Variants in PTPRG observed in about 807,000 individuals in gnomAD.
The protein encoded by PTPRG is protein tyrosine phosphatase receptor type G, also known as receptor-type tyrosine-protein phosphatase gamma.
Under a neutral mutation model 165.3 loss-of-function variants are expected in PTPRG, and 102 were observed. That is an observed-to-expected ratio of 0.62 (90% CI 0.53 to 0.73). The LOEUF (loss-of-function observed/expected upper bound fraction) is 0.73, where lower values mean the gene tolerates loss of function less well. Among genes scored for constraint, PTPRG ranks in the 30% least tolerant of loss-of-function variants. The probability of loss-of-function intolerance (pLI) is 0.00; values close to 1 mark genes in which losing one functional copy is unlikely to be tolerated. For missense variants in PTPRG, 1,866 were observed against 1,861.4 expected, an observed-to-expected ratio of 1.00 and a Z score of -0.05; for synonymous variants, 675 against 669.5, an observed-to-expected ratio of 1.01 and a Z score of -0.13.
Position 61,817,146 on chromosome 3 carries a change from CAT to C in PTPRG, c.190+68172_190+68173del, listed in dbSNP as rs1181846860. Among the ~76,000 whole-genome samples, 279 of 119,024 alleles carry C rather than the reference CAT, an allele frequency of 2.3e-3. 1 individual carries two copies. Among genetic ancestry groups the C allele is most frequent in the African/African-American group, 6.7e-3 (204 of 30,300 alleles). 78.1% of individuals were successfully genotyped at this position (119,024 alleles called of 152,430 possible). A position where few individuals can be genotyped will look rare whatever the true frequency, so the allele number is the denominator to read the frequency against. On this transcript the variant is annotated intron_variant, in intron 2 of 29. Coordinates refer to ENST00000474889, the MANE Select transcript of PTPRG (RefSeq NM_002841.4). ...TGTATTACACATAATACATATATTACATATATATAATATATAATATATAATAA... is the reference window on the plus strand; with the variant it reads ...TGTATTACACATAATACATATATTACATATATAATATATAATATATAATAA...
intron 2 of PTPRG, among the ~76,000 whole-genome samples, chr3:61,841,491 G>A (rs1477435169): frequency 2.6e-5 from 4 of 152,128 alleles, no homozygotes; most frequent in African/African-American, 9.7e-5. Context: ...ACTAACAGGA[G>A]GTACAAAGTG....
chr3:61,632,575 C>T (rs1463318175), intron 1 of PTPRG, among the ~76,000 whole-genome samples: 1 of 152,158 alleles, frequency 6.6e-6, no homozygotes, highest in Admixed American at 6.5e-5. Context: ...GCCATAGACA[C>T]AGCAGCCATT....
chr3:61,672,004 G>A (rs1390061438), intron 1 of PTPRG, among the ~76,000 whole-genome samples: 1 of 129,340 alleles, frequency 7.7e-6, no homozygotes, highest in Admixed American at 7.4e-5. Flanking sequence ...CTTCTCAGAC[G>A]GGGCGGTTGC....
chr3:62,133,997 A>G (rs1377735766), intron 6 of PTPRG, among the ~76,000 whole-genome samples: 2 of 152,012 alleles, frequency 1.3e-5, no homozygotes, highest in African/African-American at 4.8e-5. Context: ...AAAAAAAGAT[A>G]TATATTTCCA....
Position 61,593,810 on chromosome 3 carries a change from A to G in PTPRG, c.85+31438A>G, listed in dbSNP as rs567370275. Among the ~76,000 whole-genome samples, 45 of 152,186 alleles carry G rather than the reference A, an allele frequency of 3.0e-4. 1 individual carries two copies. The South Asian group carries it at 7.9e-3, about 27-fold the overall frequency. On this transcript the variant is annotated intron_variant, in intron 1 of 29. Transcript: ENST00000474889. ...GCTTGAAAAGTAATATTTTGTTGCT[A>G]CTAAATCTAATTAATAGCTAGCTGG...
rs1175472974 is a variant in PTPRG, at chr3:62,221,573, G to GT, written c.2288+2596dup. Among the ~76,000 whole-genome samples the GT allele has an allele frequency of 3.9e-5, 6 of 152,338 alleles. No homozygotes were observed. The East Asian group carries it at 5.8e-4, about 15-fold the overall frequency. ...ACATGCGTTTCCCTTTGGCAATGCAGTTTTTTAGCTAGAACAACAGTGCTT... is the reference window on the plus strand; with the variant it reads ...ACATGCGTTTCCCTTTGGCAATGCAGTTTTTTTAGCTAGAACAACAGTGCTT... On this transcript the variant is annotated intron_variant, in intron 13 of 29. Transcript: ENST00000474889.
chr3:61,650,232 C>A (rs1702314076), intron 1 of PTPRG, among the ~76,000 whole-genome samples: 1 of 152,078 alleles, frequency 6.6e-6, no homozygotes, highest in African/African-American at 2.4e-5. Context: ...GTTACAAAAC[C>A]AAATCAAGGA....
intron 4 of PTPRG, among the ~76,000 whole-genome samples, chr3:62,023,661 T>C (rs2041748324): frequency 6.6e-6 from 1 of 152,202 alleles, no homozygotes; most frequent in African/African-American, 2.4e-5. Context: ...TCATCCAACA[T>C]CTGCCTTTAT....
intron 4 of PTPRG, among the ~76,000 whole-genome samples, chr3:62,077,513 C>T (rs1017299774): frequency 6.6e-6 from 1 of 151,916 alleles, no homozygotes; most frequent in Non-Finnish European, 1.5e-5. Context: ...TAGCTTTTTG[C>T]AAAAAGGTGG....
intron 1 of PTPRG, among the ~76,000 whole-genome samples, chr3:61,732,502 G>T (rs1385357045): frequency 1.3e-5 from 2 of 151,702 alleles, no homozygotes; most frequent in Admixed American, 6.6e-5. Flanking sequence ...GCATGAACCC[G>T]GGAGGCGGAG....
At chr3:61,822,176 T>C (rs2035975511) in intron 2 of PTPRG, among the ~76,000 whole-genome samples, 2 of 152,260 alleles carry the variant, frequency 1.3e-5, no homozygotes, top group Admixed American at 6.5e-5. Flanking sequence ...GGCAACATTC[T>C]TGCCTATTCA....
intron 2 of PTPRG, among the ~76,000 whole-genome samples, chr3:61,950,033 A>G (rs1476797296): frequency 6.6e-6 from 1 of 152,210 alleles, no homozygotes; most frequent in African/African-American, 2.4e-5. Context: ...GGCATGAGCC[A>G]CTGAGCCCGG....
intron 1 of PTPRG, among the ~76,000 whole-genome samples, chr3:61,580,062 T>C (rs1330839027): frequency 6.6e-6 from 1 of 152,226 alleles, no homozygotes; most frequent in Non-Finnish European, 1.5e-5. Context: ...ATGTAGATAC[T>C]AGTCTGTTAA....
chr3:62,002,540 G>A (rs1325105538), intron 3 of PTPRG, among the ~76,000 whole-genome samples: 1 of 152,132 alleles, frequency 6.6e-6, no homozygotes, highest in East Asian at 1.9e-4. Context: ...TTTTTTGTCA[G>A]TGTAAATCCA....
At chr3:61,620,503 T>C (rs1021671363) in intron 1 of PTPRG, among the ~76,000 whole-genome samples, 1 of 152,204 alleles carries the variant, frequency 6.6e-6, no homozygotes, top group African/African-American at 2.4e-5. Flanking sequence ...AGGAATCAAA[T>C]ACCTTTCAAG....
intron 3 of PTPRG, among the ~76,000 whole-genome samples, chr3:61,995,014 C>G (rs1171729884): frequency 6.6e-6 from 1 of 151,778 alleles, no homozygotes; most frequent in Non-Finnish European, 1.5e-5. Context: ...AGAGTCAGCA[C>G]CAGGCTACCA....
At chr3:61,873,157 A>G (rs2037628826) in intron 2 of PTPRG, among the ~76,000 whole-genome samples, 1 of 152,150 alleles carries the variant, frequency 6.6e-6, no homozygotes, top group South Asian at 2.1e-4. Flanking sequence ...TAATTTAGAG[A>G]AATTTTGATA....
intron 1 of PTPRG, among the ~76,000 whole-genome samples, chr3:61,706,419 CT>C (rs764983302): frequency 2.8e-4 from 43 of 151,764 alleles, no homozygotes; most frequent in Admixed American, 2.6e-4. Context: ...GCCCAAATTC[CT>C]TGCTTTGGAG....
At chr3:62,057,902 A>G (rs1018818535) in intron 4 of PTPRG, among the ~76,000 whole-genome samples, 7 of 152,342 alleles carry the variant, frequency 4.6e-5, no homozygotes, top group East Asian at 1.9e-4. Flanking sequence ...AGATGATTGT[A>G]TGGAGGAATC....
Sources: allele counts gnomAD v4.1 joint callset (sites outside exome capture counted in the v4.1 genomes callset), GRCh38; gene constraint gnomAD v4.1.1; transcripts MANE v1.5; gene names NCBI Gene and HGNC (gene_info 2026-07-23, HGNC 2026-07-21).